PIR: variants seen among roughly 807,000 people sequenced by gnomAD.
PIR encodes the protein pirin.
PIR carries 22 observed loss-of-function variants against 24.2 expected under a neutral mutation model. That is an observed-to-expected ratio of 0.91 (90% CI 0.65 to 1.30). PIR has a LOEUF of 1.30. Ranked by LOEUF, PIR falls within the 50% of genes most tolerant of loss-of-function variation. The probability of loss-of-function intolerance (pLI) is 0.00; values close to 1 mark genes in which losing one functional copy is unlikely to be tolerated. For missense variants in PIR, 220 were observed against 220.3 expected, an observed-to-expected ratio of 1.00 and a Z score of 0.01; for synonymous variants, 80 against 79.6, an observed-to-expected ratio of 1.00 and a Z score of -0.03.
intron 3 of PIR, among the ~76,000 whole-genome samples, chrX:15,474,082 C>T (rs944732240): frequency 9.0e-6 from 1 of 111,525 alleles, no homozygotes; most frequent in Non-Finnish European, 1.9e-5. Flanking sequence ...CAGAGTTTAA[C>T]GGACCAAGAA....
intron 2 of PIR, among the ~76,000 whole-genome samples, chrX:15,489,295 A>C (rs1923036643): frequency 8.9e-6 from 1 of 112,487 alleles, no homozygotes; most frequent in South Asian, 3.6e-4. Flanking sequence ...TTCAGTATAA[A>C]AGTTTTCCTT....
At chrX:15,453,305 C>T (rs187316243) in intron 5 of PIR, among the ~76,000 whole-genome samples, 5 of 112,372 alleles carry the variant, frequency 4.4e-5, no homozygotes, top group African/African-American at 1.6e-4. Flanking sequence ...ATAACTGCCA[C>T]TTATGTGATG....
intron 5 of PIR, among the ~76,000 whole-genome samples, chrX:15,437,155 GTCT>G (rs1329311272): frequency 8.9e-6 from 1 of 112,145 alleles, no homozygotes; most frequent in African/African-American, 3.2e-5. Flanking sequence ...TTTGGGTCTG[GTCT>G]TCTTTCACAA....
At chrX:15,386,230 A>T (rs932330467) in intron 9 of PIR, among the ~76,000 whole-genome samples, 1 of 112,440 alleles carries the variant, frequency 8.9e-6, no homozygotes, top group Non-Finnish European at 1.9e-5. Context: ...TAACATATTC[A>T]AACTTCTTAA....
chrX:15,417,014 C>G (rs1463562457), intron 6 of PIR, among the ~76,000 whole-genome samples: 1 of 112,098 alleles, frequency 8.9e-6, no homozygotes, highest in Non-Finnish European at 1.9e-5. Context: ...TCACTGCAAC[C>G]TCCACCTCCC....
At chrX:15,469,971 T>G (rs1237358370) in intron 3 of PIR, among the ~76,000 whole-genome samples, 1 of 112,061 alleles carries the variant, frequency 8.9e-6, no homozygotes, top group Non-Finnish European at 1.9e-5. Context: ...AGTTTTATGG[T>G]CTATGTCACC....
At chrX:15,425,829 C>T in intron 6 of PIR, 77 bp downstream of exon 6, 2 of 580,937 alleles carry the variant, frequency 3.4e-6, no homozygotes, top group East Asian at 3.3e-5. Context: ...ACATTCCAGG[C>T]AAAACAGCCT....
At chrX:15,491,565 G>A (rs5980162) in intron 1 of PIR, among the ~76,000 whole-genome samples, 45,183 of 110,645 alleles carry the variant, frequency 0.41, 6,607 homozygotes, top group East Asian at 0.44. Context: ...AATCTTGTGC[G>A]AAGGTTAGCG....
chrX:15,384,977 C>T lies in PIR; in HGVS notation c.*27G>A, dbSNP rs1923688169. 1 of 840,858 alleles carries T rather than the reference C, an allele frequency of 1.2e-6. No individual in the cohort carries two copies. Among genetic ancestry groups the T allele is most frequent in the South Asian group, 2.1e-5 (1 of 48,564 alleles). The allele number at this position is 840,858 out of a possible 1,213,427, so 69.3% of individuals were successfully genotyped here. ...TCAGAAATGGCAAAATTCTAGGACA[C>T]ATCAAGACCTGCTCTTCCGCTTTCC... On this transcript the variant is annotated 3_prime_UTR_variant, in exon 10 of 10. Transcript: ENST00000380420.
At chrX:15,454,015 C>T (rs749424849) in intron 5 of PIR, among the ~76,000 whole-genome samples, 1 of 111,679 alleles carries the variant, frequency 9.0e-6, no homozygotes, top group South Asian at 3.8e-4. Flanking sequence ...CTATCCATCT[C>T]ACTATCCCCT....
chrX:15,418,535 A>C (rs1223243524), intron 6 of PIR, among the ~76,000 whole-genome samples: 1 of 112,129 alleles, frequency 8.9e-6, no homozygotes, highest in Non-Finnish European at 1.9e-5. Context: ...GTACTGTCAG[A>C]AACTCGACAA....
At chrX:15,389,391 C>T (rs1295201477) in intron 9 of PIR, among the ~76,000 whole-genome samples, 1 of 111,615 alleles carries the variant, frequency 9.0e-6, no homozygotes, top group Non-Finnish European at 1.9e-5. Flanking sequence ...TAAAGCAATC[C>T]GTGTTCTTTA....
At chrX:15,447,322 T>G (rs1182578982) in intron 5 of PIR, among the ~76,000 whole-genome samples, 1 of 110,544 alleles carries the variant, frequency 9.0e-6, no homozygotes, top group Non-Finnish European at 1.9e-5. Flanking sequence ...GGTTTTTTTT[T>G]TGTGAGATGG....
chrX:15,470,857 C>T (rs1019255621), intron 3 of PIR, among the ~76,000 whole-genome samples: 2 of 111,638 alleles, frequency 1.8e-5, no homozygotes, highest in South Asian at 7.5e-4. Context: ...CCTGCCTTAG[C>T]CTCCAAAAGT....
chrX:15,397,214 G>T (rs1466315441), intron 8 of PIR, among the ~76,000 whole-genome samples: 1 of 111,004 alleles, frequency 9.0e-6, no homozygotes, highest in Non-Finnish European at 1.9e-5. Context: ...AATTTCCAGG[G>T]GTAAACAATA....
At chrX:15,433,511 G>GGAAAGAAA (rs765522981) in intron 5 of PIR, among the ~76,000 whole-genome samples, 7 of 48,115 alleles carry the variant, frequency 1.5e-4, no homozygotes, top group Non-Finnish European at 2.6e-4. Context: ...AGGAGGAGGA[G>GGAAAGAAA]GAAAGAAAGA....
chrX:15,433,661 AAAG>A (rs1347866532), intron 5 of PIR, among the ~76,000 whole-genome samples: 1 of 87,168 alleles, frequency 1.1e-5, no homozygotes, highest in East Asian at 3.8e-4. Flanking sequence ...GAGGAAGGAG[AAAG>A]AAGGAGGAGG....
intron 7 of PIR, among the ~76,000 whole-genome samples, chrX:15,405,111 G>A (rs929231124): frequency 9.0e-6 from 1 of 110,939 alleles, no homozygotes; most frequent in African/African-American, 3.3e-5. Context: ...TCAGGCTAAA[G>A]GTCTGTCAGG....
intron 3 of PIR, among the ~76,000 whole-genome samples, chrX:15,467,937 A>T (rs999089349): frequency 6.3e-5 from 7 of 111,840 alleles, no homozygotes; most frequent in African/African-American, 2.0e-4. Flanking sequence ...GTTTTGGGGA[A>T]TCTCTTCAGA....
Sources: allele counts gnomAD v4.1 joint callset (sites outside exome capture counted in the v4.1 genomes callset), GRCh38; gene constraint gnomAD v4.1.1; transcripts MANE v1.5; gene names NCBI Gene and HGNC (gene_info 2026-07-23, HGNC 2026-07-21).